Variants in PDK3 observed in about 807,000 individuals in gnomAD.
PDK3 encodes pyruvate dehydrogenase kinase, isozyme 3.
A neutral mutation model predicts 32.0 loss-of-function variants in PDK3; 12 were observed. The observed-to-expected ratio is 0.37, with a 90% CI of 0.24 to 0.61. The LOEUF is 0.61. Among genes scored for constraint, PDK3 ranks in the 20% least tolerant of loss-of-function variants. PDK3 has a pLI of 0.65. For synonymous variants in PDK3, 122 were observed against 116.3 expected (o/e 1.05, Z -0.31); for missense variants, 188 against 316.9 (o/e 0.59, Z 3.09).
intron 3 of PDK3, chrX:24,499,186 T>A (rs1861186070): frequency 6.1e-6 from 1 of 164,790 alleles, no homozygotes; most frequent in South Asian, 3.2e-4. Context: ...CAGTAAATGT[T>A]CCATCTAGTG....
At chrX:24,517,679 T>C (rs1335255821) in intron 5 of PDK3, among the ~76,000 whole-genome samples, 2 of 112,930 alleles carry the variant, frequency 1.8e-5, no homozygotes, top group African/African-American at 6.4e-5. Context: ...CACCTTTGCT[T>C]TCTGAATCTG....
chrX:24,535,270 C>T (rs181753499), downstream of PDK3, among the ~76,000 whole-genome samples: 88 of 111,439 alleles, frequency 7.9e-4, no homozygotes, highest in Middle Eastern at 4.6e-3. Context: ...TTTGAGAGGC[C>T]GAGGTGGGTG....
chrX:24,512,276 A>C (rs987747697), intron 5 of PDK3, among the ~76,000 whole-genome samples: 2 of 112,158 alleles, frequency 1.8e-5, no homozygotes, highest in African/African-American at 6.5e-5. Context: ...TATAAACTTA[A>C]ATACTTGGTG....
chrX:24,520,851 A>G (rs1301371360), intron 6 of PDK3, among the ~76,000 whole-genome samples: 4 of 112,010 alleles, frequency 3.6e-5, no homozygotes, highest in East Asian at 2.8e-4. Flanking sequence ...CTGTTTTCCT[A>G]TATTCCATAT....
intron 3 of PDK3, 28 bp downstream of exon 3, chrX:24,498,928 TA>T: frequency 1.1e-6 from 1 of 872,652 alleles, no homozygotes; most frequent in Non-Finnish European, 1.6e-6. Flanking sequence ...TAGCTGAAAG[TA>T]AAAATATCTA....
exon 12 of PDK3, among the ~76,000 whole-genome samples, chrX:24,541,254 C>T (rs1205801951): frequency 9.1e-6 from 1 of 109,464 alleles, no homozygotes; most frequent in African/African-American, 3.3e-5. Context: ...CTTCCTAGGC[C>T]TCAATTTCCA....
intron 1 of PDK3, among the ~76,000 whole-genome samples, chrX:24,491,885 G>A (rs747000307): frequency 9.0e-6 from 1 of 111,323 alleles, no homozygotes; most frequent in Admixed American, 9.5e-5. Context: ...GTAGTAAACC[G>A]TGATTGTACC....
chrX:24,514,989 G>A (rs1371137852), intron 5 of PDK3, among the ~76,000 whole-genome samples: 1 of 111,799 alleles, frequency 8.9e-6, no homozygotes, highest in Non-Finnish European at 1.9e-5. Context: ...TCACCAAAAG[G>A]AACACCTCCC....
At chrX:24,543,806 C>T (rs189025300) in exon 12 of PDK3, among the ~76,000 whole-genome samples, 159 of 112,028 alleles carry the variant, frequency 1.4e-3, no homozygotes, top group Non-Finnish European at 2.6e-3. Flanking sequence ...TCTTTGATTG[C>T]GTATTTCTTC....
chrX:24,548,315 C>G (rs1374801884), exon 12 of PDK3: 1 of 112,316 alleles, frequency 8.9e-6, no homozygotes, highest in Non-Finnish European at 1.9e-5. Flanking sequence ...AACAACCCTG[C>G]AATTTGATTT....
At chrX:24,476,717 C>T (rs1215636167) in intron 1 of PDK3, among the ~76,000 whole-genome samples, 1 of 112,033 alleles carries the variant, frequency 8.9e-6, no homozygotes, top group Non-Finnish European at 1.9e-5. Flanking sequence ...TACATTAGGG[C>T]TCATTCTTTG....
At chrX:24,481,107 G>A (rs1051999889) in intron 1 of PDK3, among the ~76,000 whole-genome samples, 7 of 107,265 alleles carry the variant, frequency 6.5e-5, no homozygotes, top group African/African-American at 2.4e-4. Flanking sequence ...GGAGTGGCGC[G>A]ATCTTGGCTC....
intron 1 of PDK3, among the ~76,000 whole-genome samples, chrX:24,490,187 A>G (rs1404649331): frequency 8.9e-6 from 1 of 111,889 alleles, no homozygotes; most frequent in Admixed American, 9.5e-5. Flanking sequence ...CACATTGCCC[A>G]GGCTGGTCTC....
At chrX:24,532,494 T>C (rs1194756562) in intron 10 of PDK3, among the ~76,000 whole-genome samples, 1 of 112,168 alleles carries the variant, frequency 8.9e-6, no homozygotes, top group East Asian at 2.8e-4. Flanking sequence ...CAAACTTCTC[T>C]GTAACACAGT....
At chrX:24,466,293 T>A (rs961677559) in intron 1 of PDK3, among the ~76,000 whole-genome samples, 1 of 112,348 alleles carries the variant, frequency 8.9e-6, no homozygotes, top group Non-Finnish European at 1.9e-5. Flanking sequence ...GTTCCCAGCC[T>A]GCCTCAGGCC....
At chrX:24,514,240 C>T (rs1331297417) in intron 5 of PDK3, among the ~76,000 whole-genome samples, 1 of 112,261 alleles carries the variant, frequency 8.9e-6, no homozygotes. Flanking sequence ...TGAACCTTCA[C>T]CCTGTTCTCA....
At position 24,528,159 on chromosome X, in the gene PDK3, C is replaced by T; in HGVS notation, c.936C>T (p.Ser312=). 8.5e-7 allele frequency: 1 copy of T among 1,179,182 alleles called. No individual in the cohort carries two copies. The highest frequency in any genetic ancestry group is 1.2e-6 in the Non-Finnish European group (1 of 866,235). Residue 312 remains serine (S), a synonymous_variant, in exon 9 of 11, where the codon AGC becomes AGT. Coordinates refer to ENST00000379162, the MANE Select transcript of PDK3 (RefSeq NM_005391.5). ...TGTATTCTACTGCTCCTAGACCCAG[C>T]CTGGAGCCTACCAGAGCTGCCCCTT... ...NYMYSTAPRP[S]LEPTRAAPLA...
At chrX:24,480,630 T>C (rs1420286109) in intron 1 of PDK3, among the ~76,000 whole-genome samples, 3 of 112,529 alleles carry the variant, frequency 2.7e-5, no homozygotes, top group African/African-American at 9.7e-5. Flanking sequence ...CCAAGAGCTA[T>C]GAACCACTTT....
chrX:24,513,074 A>C (rs745961932), intron 5 of PDK3, among the ~76,000 whole-genome samples: 129 of 111,794 alleles, frequency 1.2e-3, no homozygotes, highest in African/African-American at 4.1e-3. Flanking sequence ...CTTGATTCTG[A>C]ATTCCCAAAA....
Sources: gnomAD v4.1 joint callset for allele counts (sites outside exome capture counted in the v4.1 genomes callset) on GRCh38, gnomAD v4.1.1 for gene constraint, MANE v1.5 for transcripts, NCBI Gene and HGNC (gene_info 2026-07-23, HGNC 2026-07-21) for gene names.